PIK3R1: variants seen among roughly 807,000 people sequenced by gnomAD.
PIK3R1 encodes phosphoinositide-3-kinase regulatory subunit 1.
PIK3R1 carries 29 observed loss-of-function variants against 98.0 expected under a neutral mutation model. The observed-to-expected ratio is 0.30, with a 90% confidence interval of 0.22 to 0.40. PIK3R1 has a LOEUF of 0.40. Among genes scored for constraint, PIK3R1 ranks in the 10% least tolerant of loss-of-function variants. PIK3R1 has a pLI of 1.00. For missense variants in PIK3R1, 596 were observed against 872.7 expected, an observed-to-expected ratio of 0.68 and a Z score of 3.99; for synonymous variants, 282 against 311.8, an observed-to-expected ratio of 0.90 and a Z score of 1.01.
intron 2 of PIK3R1, among the ~76,000 whole-genome samples, chr5:68,254,828 CTTTTTTTCT>C (rs2112082248): frequency 1.2e-5 from 1 of 83,958 alleles, no homozygotes; most frequent in East Asian, 3.0e-4. Context: ...CAGTCTTTTT[CTTTTTTTCT>C]TTTTTTTTTT....
chr5:68,260,488 C>CA (rs1745696106), intron 2 of PIK3R1, among the ~76,000 whole-genome samples: 1 of 151,956 alleles, frequency 6.6e-6, no homozygotes. Context: ...TGCTGAAACT[C>CA]AAAGAGGGAA....
rs765266397 is a variant in PIK3R1, at chr5:68,226,953, G to A, written c.278G>A (p.Arg93Gln). 7.4e-6 allele frequency: 12 copies of A among 1,613,986 alleles called. No individual in the cohort carries two copies. Among genetic ancestry groups the A allele is most frequent in the Non-Finnish European group, 1.0e-5 (12 of 1,179,952 alleles). The change falls in exon 2 of 16, where the codon CGG becomes CAG. Residue 93 changes from arginine to glutamine, a missense_variant. By Grantham distance (43) the Arg-to-Gln change is conservative (BLOSUM62 1). This residue lies in a region of PIK3R1 where 352 missense variants were observed against 393.3 expected (regional missense o/e 0.90). Coordinates refer to ENST00000521381, the MANE Select transcript of PIK3R1 (RefSeq NM_181523.3). ...CCCACACCAAAGCCCCGGCCACCTC[G>A]GCCTCTTCCTGTTGCACCAGGTTCT... The part of the protein sequence containing the change: ...SPPTPKPRPP[R>Q]PLPVAPGSSK...
Position 68,253,592 on chromosome 5 carries a change from A to T in PIK3R1, c.335-19798A>T. Among the ~76,000 whole-genome samples the T allele has an allele frequency of 1.3e-5, 2 of 151,976 alleles. 1 individual carries two copies. The highest frequency in any genetic ancestry group is 2.9e-5 in the Non-Finnish European group (2 of 68,018). On this transcript the variant is annotated intron_variant, in intron 2 of 15. Coordinates refer to ENST00000521381, the MANE Select transcript of PIK3R1 (RefSeq NM_181523.3). ...ATTTACTTGACTTAAAAATAAAGGG[A>T]TCTATTTTTTTTTAAGGTTCAGAAC...
At chr5:68,283,283 AATT>A (rs767918338) in intron 7 of PIK3R1, among the ~76,000 whole-genome samples, 4 of 152,226 alleles carry the variant, frequency 2.6e-5, no homozygotes, top group Non-Finnish European at 5.9e-5. Context: ...CAGCATTTCT[AATT>A]ATTACCAGAT....
intron 4 of PIK3R1, among the ~76,000 whole-genome samples, chr5:68,278,307 G>A (rs1283045066): frequency 6.6e-6 from 1 of 151,932 alleles, no homozygotes; most frequent in Non-Finnish European, 1.5e-5. Context: ...ACAGAATTAG[G>A]GAGAAACATT....
chr5:68,283,175 C>T (rs1201644831), intron 7 of PIK3R1, among the ~76,000 whole-genome samples: 1 of 152,188 alleles, frequency 6.6e-6, no homozygotes, highest in South Asian at 2.1e-4. Context: ...ACATCTCCAG[C>T]GAATGGCCAT....
chr5:68,293,993 A>G (rs1318255124), intron 11 of PIK3R1, among the ~76,000 whole-genome samples, 159 bp downstream of exon 11: 1 of 152,204 alleles, frequency 6.6e-6, no homozygotes, highest in Non-Finnish European at 1.5e-5. Flanking sequence ...TAATATCTCT[A>G]AAGCTTTAAA....
At chr5:68,240,282 T>C (rs775794048) in intron 2 of PIK3R1, among the ~76,000 whole-genome samples, 1 of 152,226 alleles carries the variant, frequency 6.6e-6, no homozygotes, top group Non-Finnish European at 1.5e-5. Flanking sequence ...GAGAAAGGAT[T>C]GAAAGCCAGC....
intron 2 of PIK3R1, among the ~76,000 whole-genome samples, chr5:68,253,002 G>A (rs112284775): frequency 0.016 from 2,497 of 152,072 alleles, 31 homozygotes; most frequent in Non-Finnish European, 0.025. Flanking sequence ...TTGACTTTAT[G>A]TCTGGCTTAG....
intron 4 of PIK3R1, among the ~76,000 whole-genome samples, chr5:68,274,273 C>T (rs1002349358): frequency 6.6e-6 from 1 of 152,174 alleles, no homozygotes; most frequent in Non-Finnish European, 1.5e-5. Context: ...GCCCTGGGTC[C>T]TGCAGAGGAG....
chr5:68,216,218 G>A (rs906387389), intron 1 of PIK3R1, among the ~76,000 whole-genome samples: 1 of 152,162 alleles, frequency 6.6e-6, no homozygotes, highest in Admixed American at 6.5e-5. Flanking sequence ...AGCTGGTCCT[G>A]CACGCCGCCG....
intron 2 of PIK3R1, among the ~76,000 whole-genome samples, chr5:68,259,305 G>C (rs1745646912): frequency 6.6e-6 from 1 of 152,106 alleles, no homozygotes; most frequent in African/African-American, 2.4e-5. Context: ...TTGTGATGTG[G>C]CTACTAGAAA....
At chr5:68,270,295 A>G (rs1241120524) in intron 2 of PIK3R1, among the ~76,000 whole-genome samples, 2 of 152,186 alleles carry the variant, frequency 1.3e-5, no homozygotes, top group African/African-American at 4.8e-5. Flanking sequence ...CTTTTTTAAA[A>G]AATTTTTTCA....
At chr5:68,286,974 T>A (rs551141204) in intron 7 of PIK3R1, among the ~76,000 whole-genome samples, 2 of 152,358 alleles carry the variant, frequency 1.3e-5, no homozygotes, top group South Asian at 4.1e-4. Flanking sequence ...TAGACTGTTA[T>A]TTCCATTGGG....
chr5:68,294,109 TTGGAAGTTAGTAATAAC>T (rs1747555975), intron 11 of PIK3R1, among the ~76,000 whole-genome samples: 1 of 152,210 alleles, frequency 6.6e-6, no homozygotes, highest in Admixed American at 6.5e-5. Context: ...CCTGTTTAGA[TTGGAAGTTAGTAATAAC>T]TGGAAGTTTC....
intron 2 of PIK3R1, among the ~76,000 whole-genome samples, chr5:68,260,918 T>C (rs1416143069): frequency 6.6e-6 from 1 of 152,246 alleles, no homozygotes; most frequent in Non-Finnish European, 1.5e-5. Flanking sequence ...TTTTGAATTT[T>C]ACTGTTCATT....
At chr5:68,246,313 A>AT (rs11351105) in intron 2 of PIK3R1, among the ~76,000 whole-genome samples, 3,704 of 127,284 alleles carry the variant, frequency 0.029, 125 homozygotes, top group African/African-American at 0.076. Flanking sequence ...TGGTGTGTAT[A>AT]TTTTTTTTTT....
chr5:68,235,550 C>T (rs1457256909), intron 2 of PIK3R1, among the ~76,000 whole-genome samples: 2 of 152,020 alleles, frequency 1.3e-5, no homozygotes, highest in African/African-American at 2.4e-5. Context: ...TTTGTGGCAT[C>T]ATTAATGCAT....
At chr5:68,288,187 A>G (rs975626676) in intron 7 of PIK3R1, among the ~76,000 whole-genome samples, 10 of 152,166 alleles carry the variant, frequency 6.6e-5, no homozygotes, top group Admixed American at 1.3e-4. Context: ...CTCAGCAGCC[A>G]GTGAGACTAT....
Sources: gnomAD v4.1 joint callset for allele counts (sites outside exome capture counted in the v4.1 genomes callset) on GRCh38, gnomAD v4.1.1 for gene constraint, gnomAD v4.1.1 regional missense constraint, MANE v1.5 for transcripts, NCBI Gene and HGNC (gene_info 2026-07-23, HGNC 2026-07-21) for gene names.